Variants in NASP observed in about 807,000 individuals in gnomAD.
NASP encodes nuclear autoantigenic sperm protein.
In NASP, 24 loss-of-function variants were observed where a neutral mutation model predicts 89.5. The ratio of observed to expected loss-of-function variants is 0.27; its 90% CI spans 0.19 to 0.38. The LOEUF (loss-of-function observed/expected upper bound fraction) is 0.38, where lower values mean the gene tolerates loss of function less well. Among genes scored for constraint, NASP ranks in the 10% least tolerant of loss-of-function variants. The probability of loss-of-function intolerance (pLI) is 1.00; values close to 1 mark genes in which losing one functional copy is unlikely to be tolerated. For missense variants in NASP, 848 were observed against 921.4 expected (o/e 0.92, Z 1.03); for synonymous variants, 306 against 324.7 (o/e 0.94, Z 0.62).
chr1:45,614,062 A>T, intron 7 of NASP, 34 bp from the exon 8 acceptor site: 1 of 1,435,734 alleles, frequency 7.0e-7, no homozygotes, highest in Non-Finnish European at 9.7e-7. Context: ...TTTGAAAAAG[A>T]TGCCTATCTT....
At chr1:45,616,014 C>T (rs1055818443) in intron 11 of NASP, among the ~76,000 whole-genome samples, 4 of 152,190 alleles carry the variant, frequency 2.6e-5, no homozygotes, top group Non-Finnish European at 5.9e-5. Flanking sequence ...ATTTCCATCT[C>T]CAAGAACTCA....
At chr1:45,589,678 T>A (rs1643474002) in intron 1 of NASP, among the ~76,000 whole-genome samples, 1 of 152,022 alleles carries the variant, frequency 6.6e-6, no homozygotes, top group African/African-American at 2.4e-5. Flanking sequence ...GGCGGGAGGA[T>A]CACTTGAGGT....
rs1030599370 is a variant in NASP, at chr1:45,605,033, T to G, written c.299+17T>G. On this transcript the variant is annotated intron_variant, in intron 4 of 14. Transcript: ENST00000350030. ...GTTGGCAAGGTATGGATGTTGTATT[T>G]AAAAACTGAAGTTTCCTTGTTAAGA... 39 of 1,573,806 alleles carry G rather than the reference T, an allele frequency of 2.5e-5. No homozygotes were observed. Among genetic ancestry groups the G allele is most frequent in the Non-Finnish European group, 3.2e-5 (37 of 1,144,368 alleles).
At chr1:45,607,024 T>G (rs1273231418) in intron 5 of NASP, among the ~76,000 whole-genome samples, 1 of 152,200 alleles carries the variant, frequency 6.6e-6, no homozygotes, top group East Asian at 1.9e-4. Context: ...CTGCTATAGT[T>G]TTACATATCA....
rs770852530 is a variant in NASP at position 45,607,847 on chromosome 1, C to T, written c.936C>T (p.Asp312=). 88 of 1,613,860 alleles carry T rather than the reference C, an allele frequency of 5.5e-5. No individual in the cohort carries two copies. Among genetic ancestry groups the T allele is most frequent in the Non-Finnish European group, 6.6e-5 (78 of 1,180,010 alleles). Residue 312 remains aspartate (D), a synonymous_variant, in exon 6 of 15, where the codon GAC becomes GAT. Coordinates refer to ENST00000350030, the MANE Select transcript of NASP (RefSeq NM_002482.4). Reference sequence around the variant, plus strand: ...TCAAGCCAGTGGATGTGGGTGGGGACGAGCCAGAGGAGAAGGTAGTTACCT... The same window carrying T: ...TCAAGCCAGTGGATGTGGGTGGGGATGAGCCAGAGGAGAAGGTAGTTACCT... ...PTVKPVDVGG[D]EPEEKVVTSE...
intron 13 of NASP, 115 bp from the exon 14 acceptor site, chr1:45,617,348 G>A (rs2148377389): frequency 8.0e-7 from 1 of 1,242,490 alleles, no homozygotes. Flanking sequence ...GACCCTTAGA[G>A]CTGTGAATCC....
intron 11 of NASP, among the ~76,000 whole-genome samples, chr1:45,616,015 C>T (rs537544474): frequency 1.3e-5 from 2 of 152,320 alleles, no homozygotes; most frequent in East Asian, 1.9e-4. Flanking sequence ...TTTCCATCTC[C>T]AAGAACTCAT....
At position 45,602,370 on chromosome 1, in the gene NASP, G is replaced by GTATTGTATAT; in HGVS notation, c.218+7_218+16dup. On this transcript the variant is annotated splice_donor_region_variant and intron_variant, in intron 3 of 14. Coordinates refer to ENST00000350030, the MANE Select transcript of NASP (RefSeq NM_002482.4). Reference sequence around the variant, plus strand: ...CCAGGAAGCAGCTAGTCTTTTGTAAGTATTGTATATTTTGCTATGATGTAA... The same window carrying GTATTGTATAT: ...CCAGGAAGCAGCTAGTCTTTTGTAAGTATTGTATATTATTGTATATTTTGCTATGATGTAA... The GTATTGTATAT allele has an allele frequency of 6.2e-7, 1 of 1,610,568 alleles. No individual in the cohort carries two copies. Among genetic ancestry groups the GTATTGTATAT allele is most frequent in the Admixed American group, 1.7e-5 (1 of 59,238 alleles).
At chr1:45,613,443 C>T (rs28538369) in intron 7 of NASP, among the ~76,000 whole-genome samples, 195 bp downstream of exon 7, 3,614 of 152,202 alleles carry the variant, frequency 0.024, 155 homozygotes, top group African/African-American at 0.083. Flanking sequence ...GCCAACATGC[C>T]CAGCTAGTTT....
At chr1:45,616,726 T>G (rs1644112034) in intron 13 of NASP, 23 bp downstream of exon 13, 2 of 1,595,438 alleles carry the variant, frequency 1.3e-6, no homozygotes, top group Non-Finnish European at 1.7e-6. Flanking sequence ...GTGGTGTTTC[T>G]TTTCTACCGT....
rs1643864556 is a variant in NASP, at chr1:45,602,342, A to C, written c.195A>C (p.Ala65=). 6.2e-7 allele frequency: 1 copy of C among 1,613,600 alleles called. No individual in the cohort carries two copies. Among genetic ancestry groups the C allele is most frequent in the East Asian group, 2.2e-5 (1 of 44,854 alleles). The part of the protein sequence containing the change: ...VMGDIPAAVN[A]FQEAASLLGK... Reference sequence around the variant, plus strand: ...GGGATATTCCAGCAGCTGTCAATGCATTCCAGGAAGCAGCTAGTCTTTTGT... The same window carrying C: ...GGGATATTCCAGCAGCTGTCAATGCCTTCCAGGAAGCAGCTAGTCTTTTGT... Residue 65 remains alanine, a synonymous_variant, in exon 3 of 15, where the codon GCA becomes GCC. Coordinates refer to ENST00000350030, the MANE Select transcript of NASP (RefSeq NM_002482.4).
intron 6 of NASP, chr1:45,612,235 ACTC>A (rs1195525966): frequency 6.7e-6 from 1 of 148,734 alleles, no homozygotes; most frequent in Non-Finnish European, 1.5e-5. Flanking sequence ...TGCTGATAAA[ACTC>A]CTTTGACCTG....
chr1:45,608,247 G>A lies in NASP; in HGVS notation c.1336G>A (p.Gly446Arg). ...GDGVDTKVAQ[G>R]ATEKSPEDKV... is the part of the protein sequence containing the mutation. Reference sequence around the variant, plus strand: ...TGGGGTTGATACCAAGGTAGCCCAGGGAGCTACTGAGAAATCACCTGAAGA... The same window carrying A: ...TGGGGTTGATACCAAGGTAGCCCAGAGAGCTACTGAGAAATCACCTGAAGA... Residue 446 changes from glycine to arginine, a missense_variant, in exon 6 of 15, where the codon GGA (glycine) becomes AGA (arginine). Physicochemically the swap from Gly to Arg is moderately radical, Grantham distance 125. Around this residue, in one of 5 missense-constraint regions of NASP, gnomAD observed 464 missense variants for 469.4 expected, o/e 0.99. Coordinates refer to ENST00000350030, the MANE Select transcript of NASP (RefSeq NM_002482.4). 1.9e-6 allele frequency: 3 copies of A among 1,613,914 alleles called. No homozygotes were observed. Among genetic ancestry groups the A allele is most frequent in the Non-Finnish European group, 2.5e-6 (3 of 1,179,834 alleles).
chr1:45,613,271 C>T (rs761836549), intron 7 of NASP, 23 bp downstream of exon 7: 13 of 1,592,108 alleles, frequency 8.2e-6, no homozygotes, highest in South Asian at 5.7e-5. Flanking sequence ...CCACTCAGTA[C>T]TGTTGTCAGC....
At chr1:45,592,551 G>C (rs1456874549) in intron 2 of NASP, among the ~76,000 whole-genome samples, 14 of 152,228 alleles carry the variant, frequency 9.2e-5, no homozygotes, top group Middle Eastern at 3.4e-3. Context: ...GTCTCACTCT[G>C]TCACCCAGGC....
chr1:45,600,902 T>C (rs1202202048), intron 2 of NASP, among the ~76,000 whole-genome samples: 1 of 152,250 alleles, frequency 6.6e-6, no homozygotes, highest in Non-Finnish European at 1.5e-5. Flanking sequence ...CAGTATCTTA[T>C]TGTGGGTTTA....
chr1:45,584,581 A>G (rs1644500439), intron 1 of NASP, among the ~76,000 whole-genome samples: 1 of 151,898 alleles, frequency 6.6e-6, no homozygotes, highest in African/African-American at 2.4e-5. Context: ...TGCCTCTGGT[A>G]GAACCCCTGG....
intron 3 of NASP, among the ~76,000 whole-genome samples, chr1:45,604,339 A>C (rs1053991673): frequency 6.6e-6 from 1 of 152,202 alleles, no homozygotes; most frequent in Non-Finnish European, 1.5e-5. Context: ...CTTAATACAC[A>C]GTGCTATTTG....
intron 1 of NASP, among the ~76,000 whole-genome samples, chr1:45,586,324 C>T (rs1002185416): frequency 7.0e-6 from 1 of 143,460 alleles, no homozygotes; most frequent in African/African-American, 2.7e-5. Context: ...GTGTGTGTGT[C>T]ACCCAGGCTG....
Sources: gnomAD v4.1 joint callset for allele counts (sites outside exome capture counted in the v4.1 genomes callset) on GRCh38, gnomAD v4.1.1 for gene constraint, gnomAD v4.1.1 regional missense constraint, MANE v1.5 for transcripts, NCBI Gene and HGNC (gene_info 2026-07-23, HGNC 2026-07-21) for gene names.